ZNF841: variants seen among roughly 807,000 people sequenced by gnomAD.
The protein encoded by ZNF841 is zinc finger protein 841, also known as TCONS_00006091.
A neutral mutation model predicts 13.0 loss-of-function variants in ZNF841; 11 were observed. The ratio of observed to expected loss-of-function variants is 0.85; its 90% CI spans 0.53 to 1.40. The LOEUF is 1.40. Ranked by LOEUF, ZNF841 falls within the 40% of genes most tolerant of loss-of-function variation. The probability of loss-of-function intolerance (pLI) is 0.00; values close to 1 mark genes in which losing one functional copy is unlikely to be tolerated. For synonymous variants in ZNF841, 369 were observed against 381.6 expected, an observed-to-expected ratio of 0.97 and a Z score of 0.38; for missense variants, 1,068 against 1,139.5, an observed-to-expected ratio of 0.94 and a Z score of 0.90.
At chr19:52,059,439 T>C in the ZNF841 span, among the ~76,000 whole-genome samples, 1 of 146,584 alleles carries the variant, frequency 6.8e-6, no homozygotes, top group East Asian at 2.0e-4. Context: ...AAGCATGTGT[T>C]CTATCAATAT....
rs1260386711 is a variant in ZNF841, at chr19:52,064,971, ACTTT to A, written c.*132_*135del. The A allele has an allele frequency of 1.4e-6, 1 of 722,566 alleles. No individual in the cohort carries two copies. The highest frequency in any genetic ancestry group is 2.2e-6 in the Non-Finnish European group (1 of 458,098). The allele number at this position is 722,566 out of a possible 1,614,324, so 44.8% of individuals were successfully genotyped here. On this transcript the variant is annotated 3_prime_UTR_variant, in exon 7 of 7. Transcript: ENST00000594440. The stretch of plus-strand genomic sequence containing the variant: ...ACAGCAACAAGGGGATGGTACTAAA[ACTTT>A]CTTGAGAAAGCCACCCCCATCATCC...
intron 2 of ZNF841, among the ~76,000 whole-genome samples, chr19:52,093,125 G>T (rs1056342913): frequency 6.6e-6 from 1 of 152,090 alleles, no homozygotes; most frequent in South Asian, 2.1e-4. Context: ...CAAAAAAAAA[G>T]AAAACCTTAC....
Position 52,065,621 on chromosome 19 carries a change from C to T in ZNF841, c.2261G>A (p.Arg754Lys). 6.2e-7 allele frequency: 1 copy of T among 1,611,556 alleles called. No homozygotes were observed. The highest frequency in any genetic ancestry group is 8.5e-7 in the Non-Finnish European group (1 of 1,178,792). ...CTCTCCAGTATGAATTCTCCGATGCCTTGCCAGGGTTGTAGTGGAGTTAAA... is the reference window on the plus strand; with the variant it reads ...CTCTCCAGTATGAATTCTCCGATGCTTTGCCAGGGTTGTAGTGGAGTTAAA... ...KVFNSTTTLA[R>K]HRRIHTGEKP... The change falls in exon 7 of 7, where the codon AGG (arginine) becomes AAG (lysine). Residue 754 changes from arginine (R) to lysine (K), a missense_variant. Transcript: ENST00000594440.
chr19:52,081,608 TCTGG>T (rs1167086914), intron 4 of ZNF841, among the ~76,000 whole-genome samples: 1 of 152,172 alleles, frequency 6.6e-6, no homozygotes, highest in African/African-American at 2.4e-5. Context: ...ATTCCAACAC[TCTGG>T]GAGCCCAAGA....
intron 4 of ZNF841, among the ~76,000 whole-genome samples, chr19:52,082,778 C>T (rs1421585276): frequency 6.6e-6 from 1 of 152,126 alleles, no homozygotes; most frequent in Non-Finnish European, 1.5e-5. Context: ...TGTTTATTAA[C>T]ATAAAAACAT....
chr19:52,076,296 C>A, intron 5 of ZNF841, 124 bp from the exon 6 acceptor site: 2 of 1,219,140 alleles, frequency 1.6e-6, no homozygotes, highest in South Asian at 1.6e-5. Flanking sequence ...CCATTGATTG[C>A]CTCCTTCTGA....
chr19:52,071,978 C>A (rs2087750648), intron 6 of ZNF841, among the ~76,000 whole-genome samples: 1 of 152,156 alleles, frequency 6.6e-6, no homozygotes. Context: ...TCAAAGGACA[C>A]ACATAGGCTG....
chr19:52,089,879 T>G (rs972805390), intron 2 of ZNF841, among the ~76,000 whole-genome samples: 2 of 152,134 alleles, frequency 1.3e-5, no homozygotes, highest in African/African-American at 4.8e-5. Flanking sequence ...CTCTCCTCCA[T>G]GCATGCATGA....
At chr19:52,086,191 C>G (rs974844993) in intron 3 of ZNF841, among the ~76,000 whole-genome samples, 1 of 152,106 alleles carries the variant, frequency 6.6e-6, no homozygotes, top group Non-Finnish European at 1.5e-5. Flanking sequence ...TATGGATCAG[C>G]TCTGTGTCCC....
chr19:52,063,118 G>A (rs2087432516), downstream of ZNF841, among the ~76,000 whole-genome samples: 1 of 152,022 alleles, frequency 6.6e-6, no homozygotes. Flanking sequence ...CTCGTGATCT[G>A]CCTGCCTCGG....
chr19:52,078,088 G>A (rs1030769960), intron 4 of ZNF841, among the ~76,000 whole-genome samples: 12 of 152,116 alleles, frequency 7.9e-5, no homozygotes, highest in African/African-American at 2.9e-4. Flanking sequence ...TCAAGAGATC[G>A]AGATCATCCT....
At position 52,076,642 on chromosome 19, in the gene ZNF841, G is replaced by C. The variant is rs1011378813; in HGVS notation, c.142+316C>G. On this transcript the variant is annotated intron_variant, in intron 5 of 6. Transcript: ENST00000594440. The stretch of plus-strand genomic sequence containing the variant: ...CACTCCAGCCTGGGTGACAGACTGA[G>C]ACTGTGTCAAAAAAAAAAAAAAAAA... 4.1e-5 allele frequency among the ~76,000 whole-genome samples: 5 copies of C among 123,040 alleles called. No individual in the cohort carries two copies. In the Admixed American group the frequency reaches 4.4e-4, roughly 11 times the overall value. The allele number at this position is 123,040 out of a possible 152,430, so 80.7% of individuals were successfully genotyped here.
downstream of ZNF841, among the ~76,000 whole-genome samples, chr19:52,059,936 T>C (rs925847672): frequency 1.3e-5 from 2 of 152,170 alleles, no homozygotes; most frequent in African/African-American, 4.8e-5. Context: ...CTTTTGTAAC[T>C]TTACTTCAGC....
At chr19:52,092,124 A>G (rs117654359) in intron 2 of ZNF841, among the ~76,000 whole-genome samples, 3,099 of 142,968 alleles carry the variant, frequency 0.022, 55 homozygotes, top group Admixed American at 0.025. Context: ...CCTGGGCAAC[A>G]GAGTGAGACT....
chr19:52,084,867 T>A lies in ZNF841; in HGVS notation c.-66A>T. On this transcript the variant is annotated 5_prime_UTR_variant, in exon 4 of 7. Transcript: ENST00000594440. ...CTCTCAGTCAATATAATTAATTCTT[T>A]AAAAGTCAAATCTGAAAGTCAAAAA... 1 of 1,532,300 alleles carries A rather than the reference T, an allele frequency of 6.5e-7. No homozygotes were observed. 94.9% of individuals were successfully genotyped at this position (1,532,300 alleles called of 1,614,324 possible).
chr19:52,061,011 A>G (rs1364864849), downstream of ZNF841, among the ~76,000 whole-genome samples: 1 of 152,228 alleles, frequency 6.6e-6, no homozygotes, highest in Non-Finnish European at 1.5e-5. Flanking sequence ...AAAAACTTTA[A>G]GTCAGGTCCT....
At chr19:52,074,649 T>G (rs2087840672) in intron 6 of ZNF841, among the ~76,000 whole-genome samples, 1 of 152,158 alleles carries the variant, frequency 6.6e-6, no homozygotes. Flanking sequence ...CCCGAGTAGC[T>G]GGGATTACAG....
At chr19:52,094,024 C>CA (rs942298911) in intron 1 of ZNF841, 53 bp from the exon 2 acceptor site, 42 of 151,416 alleles carry the variant, frequency 2.8e-4, no homozygotes, top group African/African-American at 8.2e-4. Flanking sequence ...AGAACAAAGC[C>CA]AAAAAAAACA....
At position 52,066,023 on chromosome 19, in the gene ZNF841, G is replaced by T. The variant is rs2087545631; in HGVS notation, c.1859C>A (p.Thr620Asn). 1.2e-6 allele frequency: 2 copies of T among 1,614,056 alleles called. No homozygotes were observed. Among genetic ancestry groups the T allele is most frequent in the African/African-American group, 1.3e-5 (1 of 75,038 alleles). The change falls in exon 7 of 7, where the codon ACC (threonine) becomes AAC (asparagine). Residue 620 changes from threonine to asparagine, a missense_variant. By Grantham distance (65) the Thr-to-Asn change is moderately conservative (BLOSUM62 0). Transcript: ENST00000594440. ...GTTACACTGGAAAGGTTTCTCTCCG[G>T]TATGACTTCGCCTATGAATTGAAAG... is the stretch of plus-strand genomic sequence containing the variant. ...GNLSIHRRSH[T>N]GEKPFQCNEC...
Sources: gnomAD v4.1 joint callset for allele counts (sites outside exome capture counted in the v4.1 genomes callset) on GRCh38, gnomAD v4.1.1 for gene constraint, MANE v1.5 for transcripts, NCBI Gene and HGNC (gene_info 2026-07-23, HGNC 2026-07-21) for gene names.